CRAMP1: variants seen among roughly 807,000 people sequenced by gnomAD.
CRAMP1 encodes cramped chromatin regulator 1.
CRAMP1 carries 50 observed loss-of-function variants against 115.4 expected under a neutral mutation model. The ratio of observed to expected loss-of-function variants is 0.43; its 90% CI spans 0.35 to 0.55. The LOEUF (loss-of-function observed/expected upper bound fraction) is 0.55. Ranked by LOEUF, CRAMP1 falls within the 20% of genes least tolerant of loss-of-function variation. The probability of loss-of-function intolerance (pLI) is 0.01; values close to 1 mark genes in which losing one functional copy is unlikely to be tolerated. For missense variants in CRAMP1, 1,679 were observed against 1,721.7 expected (o/e 0.98, Z 0.44); for synonymous variants, 866 against 745.4 (o/e 1.16, Z -2.64).
chr16:1,644,720 G>GGCT (rs2036659312), intron 6 of CRAMP1, among the ~76,000 whole-genome samples: 1 of 152,132 alleles, frequency 6.6e-6, no homozygotes, highest in Non-Finnish European at 1.5e-5. Context: ...GAGGCTGGAG[G>GGCT]GCTGGGCCAG....
chr16:1,615,216 G>C (rs377251031), intron 2 of CRAMP1, among the ~76,000 whole-genome samples: 4 of 152,114 alleles, frequency 2.6e-5, no homozygotes, highest in East Asian at 1.9e-4. Context: ...TCCTTTTTTG[G>C]GGGGGAGTCG....
In CRAMP1 at chr16:1,656,464, G is replaced by T; in HGVS notation, c.1707G>T (p.Gln569His). ...DPLPRYLKSCQDLIVPEQCRC... is the reference protein window; with the variant it reads ...DPLPRYLKSCHDLIVPEQCRC... ...TGCCCCGCTACCTAAAGTCCTGTCA[G>T]GACCTCATTGTCCCCGAGCAGTGCC... Residue 569 changes from glutamine to histidine, a missense_variant, in exon 10 of 21, where the codon CAG becomes CAT. This residue lies in a region of CRAMP1 where 405 missense variants were observed against 302.6 expected (regional missense o/e 1.34). Transcript: ENST00000397412. The surrounding 1 kb of genome is among the most constrained non-coding windows in gnomAD (Gnocchi z 5.6). 6.3e-7 allele frequency: 1 copy of T among 1,581,866 alleles called. No homozygotes were observed. The highest frequency in any genetic ancestry group is 2.3e-5 in the East Asian group (1 of 42,812).
At chr16:1,613,268 A>T (rs1003169450) in intron 1 of CRAMP1, among the ~76,000 whole-genome samples, 2 of 152,048 alleles carry the variant, frequency 1.3e-5, no homozygotes, top group African/African-American at 2.4e-5. Flanking sequence ...CATGAACTCG[A>T]GATTCCCTAG....
chr16:1,658,808 C>G (rs982450409), intron 10 of CRAMP1, among the ~76,000 whole-genome samples: 4 of 152,142 alleles, frequency 2.6e-5, no homozygotes, highest in Non-Finnish European at 2.9e-5. Flanking sequence ...AGTGAGCAGA[C>G]GGGCAGGGCT....
chr16:1,668,963 G>T (rs763408574), intron 18 of CRAMP1, 38 bp from the exon 19 acceptor site: 11 of 1,607,652 alleles, frequency 6.8e-6, no homozygotes, highest in Non-Finnish European at 9.4e-6. Context: ...TCACCACCCC[G>T]CAACAAGGCG....
At chr16:1,664,406 A>G (rs1437638754) in intron 13 of CRAMP1, among the ~76,000 whole-genome samples, 1 of 152,190 alleles carries the variant, frequency 6.6e-6, no homozygotes. Flanking sequence ...GTCACTCCTA[A>G]AAGTCCATGT....
At chr16:1,620,896 G>C (rs886369335) in intron 2 of CRAMP1, among the ~76,000 whole-genome samples, 1 of 151,738 alleles carries the variant, frequency 6.6e-6, no homozygotes, top group Non-Finnish European at 1.5e-5. Context: ...TGACTTCGGG[G>C]CTTCTAAAGC....
chr16:1,673,434 C>G (rs972203055), intron 20 of CRAMP1, among the ~76,000 whole-genome samples: 1 of 152,270 alleles, frequency 6.6e-6, no homozygotes, highest in East Asian at 1.9e-4. Context: ...GTGTCCCCCA[C>G]GTATCCTCGG....
Position 1,651,930 on chromosome 16 carries a change from CAG to C in CRAMP1, c.828-561_828-560del, listed in dbSNP as rs368741931. Among the ~76,000 whole-genome samples the C allele has an allele frequency of 3.8e-3, 578 of 151,718 alleles. 5 individuals carry two copies. Among genetic ancestry groups the C allele is most frequent in the African/African-American group, 0.012 (516 of 41,308 alleles). ...GTCACGGGGAGGTGAACTGAGGTCA[CAG>C]AGAGGTCACGTAGAAGTGGATTGAG... On this transcript the variant is annotated intron_variant, in intron 6 of 20. Coordinates refer to ENST00000397412, the MANE Select transcript of CRAMP1 (RefSeq NM_020825.4).
intron 5 of CRAMP1, among the ~76,000 whole-genome samples, chr16:1,638,516 C>T (rs762551832): frequency 4.6e-5 from 7 of 152,198 alleles, no homozygotes; most frequent in Non-Finnish European, 8.8e-5. Flanking sequence ...ATCGTCTCCT[C>T]GGGACCAGAT....
intron 10 of CRAMP1, among the ~76,000 whole-genome samples, chr16:1,659,383 T>C (rs559637287): frequency 1.3e-5 from 2 of 151,996 alleles, no homozygotes; most frequent in Non-Finnish European, 2.9e-5. Context: ...GATTGATTGA[T>C]TGATTGATTT....
At chr16:1,627,808 AATC>A (rs1006507229) in intron 3 of CRAMP1, among the ~76,000 whole-genome samples, 2 of 151,886 alleles carry the variant, frequency 1.3e-5, no homozygotes, top group Non-Finnish European at 2.9e-5. Context: ...TCAAGCCCCA[AATC>A]GTGCCTTTAA....
At chr16:1,640,890 GC>G (rs1286350498) in intron 5 of CRAMP1, among the ~76,000 whole-genome samples, 1 of 152,156 alleles carries the variant, frequency 6.6e-6, no homozygotes, top group Non-Finnish European at 1.5e-5. Flanking sequence ...TGGGTAGTGG[GC>G]CTGCCTGAGG....
rs181227549 is a variant in CRAMP1, at chr16:1,613,883, C to T, written c.-1-756C>T. ...CCCCGCAGCAGCTCACATTTCCCAC[C>T]CTGGGAAGAAGATTCCCAGAGACCC... On this transcript the variant is annotated intron_variant, in intron 1 of 20. Transcript: ENST00000397412. Among the ~76,000 whole-genome samples the T allele has an allele frequency of 1.3e-3, 193 of 152,298 alleles. 1 individual carries two copies. Among genetic ancestry groups the T allele is most frequent in the Middle Eastern group, 3.4e-3 (1 of 294 alleles).
rs2036844355 is a variant in CRAMP1 at position 1,662,775 on chromosome 16, C to T, written c.2610C>T (p.Phe870=). The part of the protein sequence containing the change: ...HLNSISMQSD[F]FLPKPRKLRN... ...CTCCCTTACAGATGCAGTCGGATTT[C>T]TTCCTGCCAAAGCCCCGGAAGCTGC... The change falls in exon 13 of 21, where the codon TTC becomes TTT. Residue 870 remains phenylalanine (F), a synonymous_variant. Transcript: ENST00000397412. 2 of 1,613,952 alleles carry T rather than the reference C, an allele frequency of 1.2e-6. No homozygotes were observed. The highest frequency in any genetic ancestry group is 8.5e-7 in the Non-Finnish European group (1 of 1,179,892).
chr16:1,658,663 G>A (rs1005730086), intron 10 of CRAMP1, among the ~76,000 whole-genome samples: 3 of 152,166 alleles, frequency 2.0e-5, no homozygotes, highest in Admixed American at 2.0e-4. Flanking sequence ...CAAAAGGCCC[G>A]AGCCCCAGAG....
At position 1,671,822 on chromosome 16, in the gene CRAMP1, C is replaced by G. The variant is rs1426041064; in HGVS notation, c.3645+1013C>G. 6.6e-6 allele frequency among the ~76,000 whole-genome samples: 1 copy of G among 152,218 alleles called. No individual in the cohort carries two copies. The highest frequency in any genetic ancestry group is 2.1e-4 in the South Asian group (1 of 4,832). On this transcript the variant is annotated intron_variant, in intron 20 of 20. Transcript: ENST00000397412. The surrounding 1 kb of genome is among the most constrained non-coding windows in gnomAD (Gnocchi z 5.0). The stretch of plus-strand genomic sequence containing the variant: ...GAATCGTGACTCTTGAGATGATGAA[C>G]TCATGGGCAGGCTTTGGAGAATTCC...
chr16:1,637,663 C>G (rs139905247), intron 4 of CRAMP1, among the ~76,000 whole-genome samples, 161 bp from the exon 5 acceptor site: 3 of 152,238 alleles, frequency 2.0e-5, no homozygotes, highest in Admixed American at 2.0e-4. Context: ...GCACCGTGTT[C>G]TATACACTCT....
rs1327810064 is a variant in CRAMP1 at position 1,675,888 on chromosome 16, T to C, written c.*1843T>C. The C allele has an allele frequency of 6.6e-6, 1 of 152,252 alleles. No homozygotes were observed. Among genetic ancestry groups the C allele is most frequent in the African/African-American group, 2.4e-5 (1 of 41,460 alleles). 9.4% of individuals were successfully genotyped at this position (152,252 alleles called of 1,614,324 possible). Reference sequence around the variant, plus strand: ...TGAACTACAGCATCTTTACACTAGCTTGTGTTTTGTGCTACGTATACCAGC... The same window carrying C: ...TGAACTACAGCATCTTTACACTAGCCTGTGTTTTGTGCTACGTATACCAGC... On this transcript the variant is annotated 3_prime_UTR_variant, in exon 21 of 21. Transcript: ENST00000397412.
Sources: allele counts gnomAD v4.1 joint callset (sites outside exome capture counted in the v4.1 genomes callset), GRCh38; gene constraint gnomAD v4.1.1; regional missense constraint gnomAD v4.1.1; non-coding constraint Gnocchi (gnomAD v3.1); transcripts MANE v1.5; gene names NCBI Gene and HGNC (gene_info 2026-07-23, HGNC 2026-07-21).